TCF7L2: variants seen among roughly 807,000 people sequenced by gnomAD.
The protein encoded by TCF7L2 is transcription factor 7-like 2.
In TCF7L2, 23 loss-of-function variants were observed where a neutral mutation model predicts 77.9. That is an observed-to-expected ratio of 0.30 (90% confidence interval 0.21 to 0.42). The LOEUF (loss-of-function observed/expected upper bound fraction) is 0.42, where lower values mean the gene tolerates loss of function less well. Ranked by LOEUF, TCF7L2 falls within the 10% of genes least tolerant of loss-of-function variation. The pLI, the probability that TCF7L2 is intolerant of heterozygous loss-of-function variation, is 1.00. For missense variants in TCF7L2, 654 were observed against 793.1 expected, an observed-to-expected ratio of 0.82 and a Z score of 2.11; for synonymous variants, 413 against 340.2, an observed-to-expected ratio of 1.21 and a Z score of -2.36.
Position 113,165,556 on chromosome 10 carries a change from A to G in TCF7L2, c.1393A>G (p.Arg465Gly). The G allele has an allele frequency of 6.2e-7, 1 of 1,613,482 alleles. No homozygotes were observed. The highest frequency in any genetic ancestry group is 8.5e-7 in the Non-Finnish European group (1 of 1,179,776). Residue 465 changes from arginine (R) to glycine (G), a missense_variant and splice_region_variant, in exon 14 of 14, where the codon AGA becomes GGA. Physicochemically the swap from Arg to Gly is moderately radical, Grantham distance 125. This residue lies in a region of TCF7L2 where 272 missense variants were observed against 215.4 expected (regional missense o/e 1.26). Coordinates refer to ENST00000627217, the MANE Select transcript of TCF7L2 (RefSeq NM_001146274.2). The stretch of plus-strand genomic sequence containing the variant: ...GATAACTCTCTCCCCTGTTTCTAGG[A>G]GAAAAAAAAAGTGCGTTCGCTACAT...
intron 3 of TCF7L2, among the ~76,000 whole-genome samples, chr10:112,962,210 G>A (rs2035442526): frequency 6.6e-6 from 1 of 152,084 alleles, no homozygotes; most frequent in African/African-American, 2.4e-5. Context: ...GACAATATAA[G>A]ATTCCTATGG....
At chr10:113,092,725 G>A (rs1247361723) in intron 5 of TCF7L2, among the ~76,000 whole-genome samples, 1 of 152,122 alleles carries the variant, frequency 6.6e-6, no homozygotes, top group Non-Finnish European at 1.5e-5. Context: ...TTAACCAGGC[G>A]TGGTGGCACA....
At chr10:113,118,658 T>G (rs1184209450) in intron 5 of TCF7L2, among the ~76,000 whole-genome samples, 2 of 19,300 alleles carry the variant, frequency 1.0e-4, no homozygotes, top group Non-Finnish European at 1.7e-4. Flanking sequence ...TTTTTTGTTT[T>G]TTTTTGTTTT....
intron 5 of TCF7L2, among the ~76,000 whole-genome samples, chr10:113,071,977 T>C (rs1311567991): frequency 6.6e-6 from 1 of 152,264 alleles, no homozygotes; most frequent in Non-Finnish European, 1.5e-5. Context: ...TTTAATAAAT[T>C]ACTGTTTTAA....
chr10:113,128,016 C>T (rs534062733), intron 5 of TCF7L2, among the ~76,000 whole-genome samples: 36 of 152,096 alleles, frequency 2.4e-4, no homozygotes, highest in African/African-American at 8.4e-4. Context: ...AGAGAACTTG[C>T]AGTTTACTTA....
chr10:112,982,514 A>G (rs543451121), intron 4 of TCF7L2, among the ~76,000 whole-genome samples: 8 of 152,266 alleles, frequency 5.3e-5, no homozygotes, highest in African/African-American at 1.9e-4. Flanking sequence ...ACAAGTGGTG[A>G]TATATTGTGG....
intron 5 of TCF7L2, among the ~76,000 whole-genome samples, chr10:113,112,362 G>T (rs754185604): frequency 2.6e-5 from 4 of 152,176 alleles, no homozygotes; most frequent in Non-Finnish European, 5.9e-5. Context: ...GCACACATGC[G>T]TGCACACGCA....
chr10:112,951,196 C>T lies in TCF7L2; in HGVS notation c.190-11C>T, dbSNP rs200068852. 15 of 1,583,354 alleles carry T rather than the reference C, an allele frequency of 9.5e-6. No individual in the cohort carries two copies. Among genetic ancestry groups the T allele is most frequent in the Non-Finnish European group, 1.3e-5 (15 of 1,167,974 alleles). On this transcript the variant is annotated splice_polypyrimidine_tract_variant and intron_variant, in intron 1 of 13. Coordinates refer to ENST00000627217, the MANE Select transcript of TCF7L2 (RefSeq NM_001146274.2). Reference sequence around the variant, plus strand: ...GCCCCTCGCCCTCCCCACCTCCACCCCTCTGGGAAGGCGGAAAGACGGCCT... The same window carrying T: ...GCCCCTCGCCCTCCCCACCTCCACCTCTCTGGGAAGGCGGAAAGACGGCCT...
chr10:113,116,562 G>A (rs374058748), intron 5 of TCF7L2, among the ~76,000 whole-genome samples: 2 of 152,158 alleles, frequency 1.3e-5, no homozygotes, highest in African/African-American at 4.8e-5. Flanking sequence ...TAAGCCTGGG[G>A]ATCCTTTGCT....
At chr10:113,069,261 G>A (rs1177214626) in intron 5 of TCF7L2, among the ~76,000 whole-genome samples, 1 of 149,462 alleles carries the variant, frequency 6.7e-6, no homozygotes, top group African/African-American at 2.5e-5. Context: ...ACAGAGTCTC[G>A]CTCCTACACC....
intron 5 of TCF7L2, among the ~76,000 whole-genome samples, chr10:113,109,199 A>G (rs1489406523): frequency 6.6e-6 from 1 of 152,176 alleles, no homozygotes; most frequent in Non-Finnish European, 1.5e-5. Flanking sequence ...AAGGGGATTT[A>G]GCCATGGGAT....
intron 5 of TCF7L2, among the ~76,000 whole-genome samples, chr10:113,045,143 G>T (rs1053195279): frequency 1.3e-5 from 2 of 152,144 alleles, no homozygotes; most frequent in Non-Finnish European, 2.9e-5. Flanking sequence ...GCCATTGATT[G>T]ATTCATTCAT....
intron 5 of TCF7L2, among the ~76,000 whole-genome samples, chr10:113,123,411 T>C (rs559725137): frequency 2.6e-5 from 4 of 152,380 alleles, no homozygotes; most frequent in African/African-American, 7.2e-5. Flanking sequence ...CAGTCTATGC[T>C]TGAAAAATCT....
At chr10:112,962,340 AAG>A (rs1270711950) in intron 3 of TCF7L2, among the ~76,000 whole-genome samples, 2 of 148,688 alleles carry the variant, frequency 1.3e-5, no homozygotes, top group Non-Finnish European at 3.0e-5. Context: ...ACCAACTGAA[AAG>A]AGAGGGACAA....
At chr10:113,075,956 T>C (rs1394414804) in intron 5 of TCF7L2, among the ~76,000 whole-genome samples, 2 of 151,906 alleles carry the variant, frequency 1.3e-5, no homozygotes, top group Admixed American at 1.3e-4. Flanking sequence ...GCCAACATGG[T>C]GAAACCCTGT....
intron 4 of TCF7L2, among the ~76,000 whole-genome samples, chr10:113,025,514 T>C (rs530517663): frequency 9.2e-5 from 14 of 151,976 alleles, no homozygotes; most frequent in Non-Finnish European, 2.1e-4. Flanking sequence ...GATGGGATTA[T>C]AGGCATGAGC....
intron 5 of TCF7L2, chr10:113,129,326 T>G (rs1382286163): frequency 4.1e-6 from 4 of 986,582 alleles, no homozygotes; most frequent in Non-Finnish European, 4.8e-6. Context: ...TGGCTGACCG[T>G]AATTTCTTTG....
intron 6 of TCF7L2, among the ~76,000 whole-genome samples, chr10:113,143,380 T>G (rs2136915044): frequency 6.6e-6 from 1 of 152,364 alleles, no homozygotes; most frequent in East Asian, 1.9e-4. Context: ...TGGCATTTGA[T>G]CAGTTTCTCC....
intron 5 of TCF7L2, among the ~76,000 whole-genome samples, chr10:113,121,679 C>G (rs1274298153): frequency 6.6e-6 from 1 of 152,064 alleles, no homozygotes; most frequent in Non-Finnish European, 1.5e-5. Flanking sequence ...CCCCCCTTCT[C>G]TCAATATATA....
Sources: allele counts gnomAD v4.1 joint callset (sites outside exome capture counted in the v4.1 genomes callset), GRCh38; gene constraint gnomAD v4.1.1; regional missense constraint gnomAD v4.1.1; transcripts MANE v1.5; gene names NCBI Gene and HGNC (gene_info 2026-07-23, HGNC 2026-07-21).